RNF216: variants seen among roughly 807,000 people sequenced by gnomAD.
RNF216 encodes E3 ubiquitin-protein ligase RNF216.
A neutral mutation model predicts 110.8 loss-of-function variants in RNF216; 72 were observed. That is an observed-to-expected ratio of 0.65 (90% CI 0.54 to 0.79). The LOEUF is 0.79. RNF216 is among the 30% of genes least tolerant of loss of function. The pLI is 0.00. For synonymous variants in RNF216, 495 were observed against 407.5 expected (o/e 1.21, Z -2.59); for missense variants, 1,342 against 1,141.2 (o/e 1.18, Z -2.54).
chr7:5,775,672 C>T (rs1796734423), intron 1 of RNF216, among the ~76,000 whole-genome samples: 1 of 152,056 alleles, frequency 6.6e-6, no homozygotes, highest in South Asian at 2.1e-4. Flanking sequence ...GAGTTCAAGA[C>T]CAGCCTGGCC....
intron 15 of RNF216, among the ~76,000 whole-genome samples, chr7:5,631,099 C>G (rs1361566720): frequency 6.6e-6 from 1 of 152,186 alleles, no homozygotes; most frequent in Non-Finnish European, 1.5e-5. Context: ...CTGAAACCTC[C>G]TTTCTCCCCT....
chr7:5,740,341 T>C (rs779933564), intron 4 of RNF216, among the ~76,000 whole-genome samples: 4 of 152,100 alleles, frequency 2.6e-5, no homozygotes, highest in African/African-American at 9.7e-5. Context: ...TTAGCCAGGA[T>C]GGTCTTGATA....
intron 1 of RNF216, among the ~76,000 whole-genome samples, chr7:5,764,119 A>G (rs905543540): frequency 2.0e-5 from 3 of 151,840 alleles, no homozygotes; most frequent in Non-Finnish European, 4.4e-5. Context: ...TCAACCAGGG[A>G]GGCAGAGGTT....
At chr7:5,763,885 G>C (rs934576297) in intron 1 of RNF216, among the ~76,000 whole-genome samples, 1 of 152,072 alleles carries the variant, frequency 6.6e-6, no homozygotes, top group Non-Finnish European at 1.5e-5. Context: ...TATCAATAAA[G>C]ATTTTAAAAA....
chr7:5,740,873 TC>T (rs771034520), intron 4 of RNF216, 99 bp downstream of exon 4: 1 of 1,114,748 alleles, frequency 9.0e-7, no homozygotes, highest in South Asian at 1.7e-5. Flanking sequence ...GAAAATGAAG[TC>T]CACGCATACC....
At chr7:5,679,513 A>T (rs1402621986) in intron 13 of RNF216, among the ~76,000 whole-genome samples, 1 of 152,252 alleles carries the variant, frequency 6.6e-6, no homozygotes, top group East Asian at 1.9e-4. Flanking sequence ...GCCTCTCAGC[A>T]GTAGGAGTGC....
intron 13 of RNF216, among the ~76,000 whole-genome samples, chr7:5,656,191 C>T (rs552094104): frequency 9.2e-5 from 14 of 152,296 alleles, no homozygotes; most frequent in African/African-American, 3.1e-4. Context: ...ATTGCTTGAA[C>T]CCAGGAGGTG....
chr7:5,741,246 T>C lies in RNF216; in HGVS notation c.771A>G (p.Glu257=), dbSNP rs770175788. ...GAAACAACAAGCGGCCCAGTTCTGC[T>C]TCAGGCTGCCGTTCCTGAGGAACGA... is the stretch of plus-strand genomic sequence containing the variant. The part of the protein sequence containing the change: ...NQVVPQERQP[E]AELGRLLFQH... The change falls in exon 4 of 17, where the codon GAA becomes GAG. Residue 257 remains glutamate, a synonymous_variant. Transcript: ENST00000389902. 3 of 1,614,158 alleles carry C rather than the reference T, an allele frequency of 1.9e-6. No individual in the cohort carries two copies. Among genetic ancestry groups the C allele is most frequent in the South Asian group, 2.2e-5 (2 of 91,080 alleles).
intron 13 of RNF216, among the ~76,000 whole-genome samples, chr7:5,659,085 G>A (rs918928807): frequency 2.0e-5 from 3 of 152,166 alleles, no homozygotes; most frequent in East Asian, 1.9e-4. Context: ...GGACACTAGC[G>A]AGATTGGTGG....
At chr7:5,695,986 T>A (rs1348159844) in intron 13 of RNF216, among the ~76,000 whole-genome samples, 1 of 152,166 alleles carries the variant, frequency 6.6e-6, no homozygotes, top group Non-Finnish European at 1.5e-5. Flanking sequence ...AACAAGGATG[T>A]AGGACTAGGC....
chr7:5,622,934 A>C lies in RNF216; in HGVS notation c.2698T>G (p.Phe900Val). 6.2e-7 allele frequency: 1 copy of C among 1,613,900 alleles called. No individual in the cohort carries two copies. The highest frequency in any genetic ancestry group is 8.5e-7 in the Non-Finnish European group (1 of 1,179,978). The change falls in exon 17 of 17, where the codon TTC (phenylalanine) becomes GTC (valine). Residue 900 changes from phenylalanine (F) to valine (V), a missense_variant. Transcript: ENST00000389902. ...TCCAGGGGCATGTGGATGGGACCGA[A>C]GTCATAGTTGACCCGCACGTTGGGC... ...PLPNVRVNYD[F>V]GPIHMPLEHN... is the part of the protein sequence containing the mutation.
intron 2 of RNF216, among the ~76,000 whole-genome samples, chr7:5,758,667 T>C (rs986267841): frequency 1.3e-5 from 2 of 152,206 alleles, no homozygotes; most frequent in African/African-American, 4.8e-5. Flanking sequence ...GTGGGACCTC[T>C]TGCGTCTTTC....
In RNF216 at chr7:5,715,184, G is replaced by A; in HGVS notation, c.1702C>T (p.Gln568Ter). 1.2e-6 allele frequency: 2 copies of A among 1,612,734 alleles called. No homozygotes were observed. Among genetic ancestry groups the A allele is most frequent in the Non-Finnish European group, 1.7e-6 (2 of 1,179,760 alleles). ...MNEEQYQKDG[Q>*]LIECRCCYGE... ...TAGCAGCAGCGACACTCAATCAGCT[G>A]GCCATCCTGCAGGCAGTCAAGAAAC... Residue 568 changes from glutamine (Q) to a stop codon, truncating the protein, a stop_gained, in exon 11 of 17, where the codon CAG (glutamine) becomes TAG (stop). Transcript: ENST00000389902. LOFTEE classifies it high-confidence loss of function.
In RNF216 at chr7:5,761,711, G is replaced by A. The variant is rs184974571; in HGVS notation, c.-69-573C>T. The stretch of plus-strand genomic sequence containing the variant: ...TGAGGCAGGAGAATCGCTTGAACCC[G>A]GGAGGCTGAAGTTGCAGTGAGCCAA... On this transcript the variant is annotated intron_variant, in intron 1 of 16. Transcript: ENST00000389902. Among the ~76,000 whole-genome samples, 90 of 152,014 alleles carry A rather than the reference G, an allele frequency of 5.9e-4. 1 individual carries two copies. Among genetic ancestry groups the A allele is most frequent in the South Asian group, 5.8e-3 (28 of 4,800 alleles).
rs527550681 is a variant in RNF216, at chr7:5,754,819, G to T, written c.68-1840C>A. ...TAGACAGGCAGATCACTTGAGGCCA[G>T]GAGTTCGAGACGAGCCTGGCCAACA... On this transcript the variant is annotated intron_variant, in intron 2 of 16. Coordinates refer to ENST00000389902, the MANE Select transcript of RNF216 (RefSeq NM_207111.4). 1.3e-4 allele frequency among the ~76,000 whole-genome samples: 20 copies of T among 152,228 alleles called. No individual in the cohort carries two copies. The East Asian group carries it at 3.7e-3, about 28-fold the overall frequency.
intron 15 of RNF216, among the ~76,000 whole-genome samples, chr7:5,634,346 C>A (rs528369264): frequency 1.3e-5 from 2 of 152,350 alleles, no homozygotes; most frequent in Admixed American, 1.3e-4. Flanking sequence ...TGTGTGGCCA[C>A]AGCTGTTGTT....
intron 1 of RNF216, among the ~76,000 whole-genome samples, chr7:5,778,201 T>C (rs77144090): frequency 0.011 from 1,608 of 152,252 alleles, 27 homozygotes; most frequent in African/African-American, 0.036. Context: ...CCTCATACCT[T>C]TTCCCCCCGC....
Position 5,624,679 on chromosome 7 carries a change from C to G in RNF216, c.2383-554G>C, listed in dbSNP as rs144521867. 6.6e-6 allele frequency among the ~76,000 whole-genome samples: 1 copy of G among 152,238 alleles called. No homozygotes were observed. The highest frequency in any genetic ancestry group is 2.4e-5 in the African/African-American group (1 of 41,458). ...GTGCGACAGTGAGGATGGTCCCCCT[C>G]GGACCTTGCCGTCTCTTCTCCCAAA... On this transcript the variant is annotated intron_variant, in intron 15 of 16. Transcript: ENST00000389902. The surrounding 1 kb of genome is among the most constrained non-coding windows in gnomAD (Gnocchi z 4.4).
chr7:5,742,229 G>C (rs4724717), intron 3 of RNF216, among the ~76,000 whole-genome samples: 5 of 152,118 alleles, frequency 3.3e-5, no homozygotes, highest in East Asian at 1.9e-4. Flanking sequence ...GTGTTTCTAA[G>C]AGAGATGGGG....
Sources: allele counts gnomAD v4.1 joint callset (sites outside exome capture counted in the v4.1 genomes callset), GRCh38; gene constraint gnomAD v4.1.1; non-coding constraint Gnocchi (gnomAD v3.1); transcripts MANE v1.5; gene names NCBI Gene and HGNC (gene_info 2026-07-23, HGNC 2026-07-21).